Variants in ERBB4 observed in about 807,000 individuals in gnomAD.
The protein encoded by ERBB4 is erb-b2 receptor tyrosine kinase 4.
In ERBB4, 42 loss-of-function variants were observed where a neutral mutation model predicts 158.0. The observed-to-expected ratio is 0.27, with a 90% confidence interval of 0.21 to 0.34. The LOEUF is 0.34. ERBB4 is among the 10% of genes least tolerant of loss of function. The pLI is 1.00. For synonymous variants in ERBB4, 583 were observed against 558.7 expected, an observed-to-expected ratio of 1.04 and a Z score of -0.61; for missense variants, 1,333 against 1,624.1, an observed-to-expected ratio of 0.82 and a Z score of 3.08.
intron 1 of ERBB4, among the ~76,000 whole-genome samples, chr2:212,226,416 G>GC (rs559281994): frequency 6.1e-4 from 93 of 151,382 alleles, no homozygotes; most frequent in Middle Eastern, 6.8e-3. Context: ...GACATGGGGG[G>GC]GGGTTTGACC....
At chr2:211,488,411 G>C (rs904919912) in intron 20 of ERBB4, among the ~76,000 whole-genome samples, 8 of 151,994 alleles carry the variant, frequency 5.3e-5, no homozygotes, top group Non-Finnish European at 1.2e-4. Context: ...TGGAGATATT[G>C]TCCTGCTCAT....
At chr2:211,644,913 G>GACTT (rs2070729601) in intron 16 of ERBB4, among the ~76,000 whole-genome samples, 1 of 151,878 alleles carries the variant, frequency 6.6e-6, no homozygotes. Context: ...CTAAGCAAAT[G>GACTT]ACTTATCTTT....
intron 2 of ERBB4, among the ~76,000 whole-genome samples, chr2:211,969,877 G>T (rs2081404315): frequency 6.6e-6 from 1 of 151,608 alleles, no homozygotes; most frequent in Admixed American, 6.6e-5. Flanking sequence ...TGTTTTTCAT[G>T]TCTCTCTCCT....
At chr2:211,691,566 A>ATGTG (rs1491273640) in intron 12 of ERBB4, among the ~76,000 whole-genome samples, 115 of 88,002 alleles carry the variant, frequency 1.3e-3, no homozygotes, top group African/African-American at 4.5e-3. Context: ...GCATAGAAAC[A>ATGTG]TATGTGTGTG....
intron 24 of ERBB4, among the ~76,000 whole-genome samples, chr2:211,421,560 C>T (rs1235172507): frequency 6.6e-6 from 1 of 151,754 alleles, no homozygotes; most frequent in African/African-American, 2.4e-5. Context: ...TAAAACAAAA[C>T]ATATTTTAAA....
chr2:211,601,336 T>C (rs1348219336), intron 19 of ERBB4, among the ~76,000 whole-genome samples: 1 of 151,954 alleles, frequency 6.6e-6, no homozygotes, highest in East Asian at 1.9e-4. Flanking sequence ...TTAGTAAGAA[T>C]TCCAGAAAAA....
At chr2:212,290,773 T>C (rs1393195391) in intron 1 of ERBB4, among the ~76,000 whole-genome samples, 1 of 152,028 alleles carries the variant, frequency 6.6e-6, no homozygotes, top group African/African-American at 2.4e-5. Flanking sequence ...GACATTCTGT[T>C]CAATGTAAAA....
chr2:212,113,703 C>A (rs539161590), intron 2 of ERBB4, among the ~76,000 whole-genome samples: 199 of 151,760 alleles, frequency 1.3e-3, no homozygotes, highest in Middle Eastern at 6.8e-3. Context: ...CATGACTCTG[C>A]TCAAGTCATG....
At position 211,502,464 on chromosome 2, in the gene ERBB4, C is replaced by T. The variant is rs1177857312; in HGVS notation, c.2487+59439G>A. ...AAACATTCAATTACCTATTAGCCCA[C>T]CTAATTAATAAAACTGTATTATAAA... On this transcript the variant is annotated intron_variant, in intron 20 of 27. Transcript: ENST00000342788. Among the ~76,000 whole-genome samples the T allele has an allele frequency of 2.6e-5, 4 of 152,034 alleles. No homozygotes were observed. The East Asian group carries it at 5.8e-4, about 22-fold the overall frequency.
chr2:212,422,369 A>G (rs1432944371), intron 1 of ERBB4, among the ~76,000 whole-genome samples: 2 of 152,014 alleles, frequency 1.3e-5, no homozygotes, highest in Non-Finnish European at 2.9e-5. Context: ...GTGGTGGTAC[A>G]TGCCTGTAGT....
intron 2 of ERBB4, among the ~76,000 whole-genome samples, chr2:211,971,973 T>C (rs1098062): frequency 0.59 from 90,395 of 152,014 alleles, 28,735 homozygotes; most frequent in Non-Finnish European, 0.72. Flanking sequence ...GAAGTCAAAC[T>C]ACCCCTGTTT....
chr2:211,550,594 T>TATATATAA (rs1256961213), intron 20 of ERBB4, among the ~76,000 whole-genome samples: 1 of 145,270 alleles, frequency 6.9e-6, no homozygotes, highest in African/African-American at 2.5e-5. Flanking sequence ...TATATATATA[T>TATATATAA]AAATATATAG....
chr2:211,693,929 A>G (rs965202100), intron 12 of ERBB4, among the ~76,000 whole-genome samples: 1 of 152,090 alleles, frequency 6.6e-6, no homozygotes, highest in East Asian at 1.9e-4. Flanking sequence ...TATCATTCCA[A>G]TAGTCGCTTC....
rs1040627701 is a variant in ERBB4 at position 211,577,202 on chromosome 2, T to C, written c.2302-15114A>G. Among the ~76,000 whole-genome samples the C allele has an allele frequency of 2.0e-5, 3 of 152,082 alleles. No individual in the cohort carries two copies. In the East Asian group the frequency reaches 5.8e-4, roughly 29 times the overall value. On this transcript the variant is annotated intron_variant, in intron 19 of 27. Coordinates refer to ENST00000342788, the MANE Select transcript of ERBB4 (RefSeq NM_005235.3). Reference sequence around the variant, plus strand: ...AGAAAATGGAAAAGTGTGGCATGCATGGGGAATACAAATAGATCAGCTTCA... The same window carrying C: ...AGAAAATGGAAAAGTGTGGCATGCACGGGGAATACAAATAGATCAGCTTCA...
intron 12 of ERBB4, among the ~76,000 whole-genome samples, chr2:211,692,352 A>T (rs2106000921): frequency 6.6e-6 from 1 of 152,318 alleles, no homozygotes; most frequent in Non-Finnish European, 1.5e-5. Flanking sequence ...TTTATGCCTA[A>T]AGTAATCTGG....
At chr2:211,798,681 A>C (rs145871912) in intron 3 of ERBB4, among the ~76,000 whole-genome samples, 2 of 152,252 alleles carry the variant, frequency 1.3e-5, no homozygotes, top group East Asian at 3.9e-4. Flanking sequence ...TTGGGGGAGA[A>C]ATGATGACCA....
chr2:211,881,667 A>C (rs527477813), intron 3 of ERBB4, among the ~76,000 whole-genome samples: 2 of 152,012 alleles, frequency 1.3e-5, no homozygotes, highest in African/African-American at 4.8e-5. Context: ...TTCGGACCCT[A>C]TGTAGATCAG....
At chr2:211,870,662 G>A (rs548880412) in intron 3 of ERBB4, among the ~76,000 whole-genome samples, 1 of 152,192 alleles carries the variant, frequency 6.6e-6, no homozygotes, top group Non-Finnish European at 1.5e-5. Context: ...GCACACAAAT[G>A]AGAGGACTAA....
chr2:212,042,867 C>A (rs1438304302), intron 2 of ERBB4, among the ~76,000 whole-genome samples: 4 of 152,100 alleles, frequency 2.6e-5, no homozygotes, highest in Non-Finnish European at 5.9e-5. Flanking sequence ...TATAAGAGAA[C>A]TAAATCTTTC....
Sources: gnomAD v4.1 joint callset for allele counts (sites outside exome capture counted in the v4.1 genomes callset) on GRCh38, gnomAD v4.1.1 for gene constraint, MANE v1.5 for transcripts, NCBI Gene and HGNC (gene_info 2026-07-23, HGNC 2026-07-21) for gene names.